Variants in PREPL observed in about 807,000 individuals in gnomAD.
The protein encoded by PREPL is prolyl endopeptidase like.
PREPL carries 77 observed loss-of-function variants against 70.6 expected under a neutral mutation model. The observed-to-expected ratio is 1.09, with a 90% CI of 0.91 to 1.32. PREPL has a LOEUF of 1.32. Among genes scored for constraint, PREPL ranks in the 40% most tolerant of loss-of-function variants. The pLI is 0.00. For synonymous variants in PREPL, 315 were observed against 264.8 expected, an observed-to-expected ratio of 1.19 and a Z score of -1.84; for missense variants, 1,002 against 778.2, an observed-to-expected ratio of 1.29 and a Z score of -3.42.
chr2:44,356,551 A>T (rs1373727203), intron 1 of PREPL, among the ~76,000 whole-genome samples: 31 of 148,682 alleles, frequency 2.1e-4, no homozygotes, highest in Non-Finnish European at 1.5e-5. Flanking sequence ...TCTCAAACAA[A>T]CAAACAAACA....
intron 1 of PREPL, among the ~76,000 whole-genome samples, chr2:44,355,803 G>C (rs959441956): frequency 6.7e-6 from 1 of 149,706 alleles, no homozygotes; most frequent in African/African-American, 2.5e-5. Context: ...ATATGAATAT[G>C]AGACTATTGC....
rs1672770389 is a variant in PREPL, at chr2:44,319,793, A to G, written c.*1563T>C. 5.5e-6 allele frequency: 1 copy of G among 180,450 alleles called. No individual in the cohort carries two copies. The highest frequency in any genetic ancestry group is 1.4e-4 in the East Asian group (1 of 6,924). The allele number at this position is 180,450 out of a possible 1,614,324, so 11.2% of individuals were successfully genotyped here. A position where few individuals can be genotyped will look rare whatever the true frequency, so the allele number is the denominator to read the frequency against. On this transcript the variant is annotated 3_prime_UTR_variant, in exon 14 of 14. Coordinates refer to ENST00000409411, the MANE Select transcript of PREPL (RefSeq NM_001171613.2). The stretch of plus-strand genomic sequence containing the variant: ...TTAGTCTACAAAGGGGAACAAACCC[A>G]AATTCCTCAGAAGTCTGAGTCCACT...
At chr2:44,330,089 T>C (rs1673939204) in intron 8 of PREPL, among the ~76,000 whole-genome samples, 1 of 142,726 alleles carries the variant, frequency 7.0e-6, no homozygotes. Context: ...TGTTATGACA[T>C]TGTTAACTTT....
chr2:44,329,786 G>A (rs1325068122), intron 8 of PREPL, among the ~76,000 whole-genome samples: 2 of 152,144 alleles, frequency 1.3e-5, no homozygotes, highest in African/African-American at 2.4e-5. Context: ...ATCCCCCAAT[G>A]TAGCTCAAAC....
intron 1 of PREPL, among the ~76,000 whole-genome samples, chr2:44,356,778 A>G (rs1193232936): frequency 6.6e-6 from 1 of 151,216 alleles, no homozygotes; most frequent in Non-Finnish European, 1.5e-5. Context: ...CACCTCTAAG[A>G]CTTTCTACAG....
intron 7 of PREPL, among the ~76,000 whole-genome samples, chr2:44,336,052 T>A (rs1446507830): frequency 6.6e-6 from 1 of 151,958 alleles, no homozygotes. Flanking sequence ...AGTCAAAATA[T>A]AACAGATGCT....
Position 44,323,407 on chromosome 2 carries a change from G to C in PREPL, c.1484C>G (p.Pro495Arg). The change falls in exon 11 of 14, where the codon CCT becomes CGT. Residue 495 changes from proline (P) to arginine (R), a missense_variant. Coordinates refer to ENST00000409411, the MANE Select transcript of PREPL (RefSeq NM_001171613.2). ...ELVRAVTLEA[P>R]FLDVLNTMMD... ...CATGGTGTTGAGAACATCCAAGAAA[G>C]GTGCCTAAAAAAAAGGCAAAGAAAC... The C allele has an allele frequency of 3.8e-6, 6 of 1,575,580 alleles. No homozygotes were observed. Among genetic ancestry groups the C allele is most frequent in the Non-Finnish European group, 5.2e-6 (6 of 1,164,992 alleles).
At chr2:44,353,410 C>T (rs907721348) in intron 1 of PREPL, among the ~76,000 whole-genome samples, 2 of 151,836 alleles carry the variant, frequency 1.3e-5, no homozygotes, top group Admixed American at 1.3e-4. Context: ...CATGGTGAAA[C>T]CCTGTCTCTA....
Position 44,348,558 on chromosome 2 carries a change from C to CT in PREPL, c.-48-2169dup, listed in dbSNP as rs900640944. ...TGTCACTTTTAAATACTCATTCTTA[C>CT]TGAGAGTCATAGCCAACACAGAGCC... is the stretch of plus-strand genomic sequence containing the variant. On this transcript the variant is annotated intron_variant, in intron 1 of 13. Transcript: ENST00000409411. Among the ~76,000 whole-genome samples the CT allele has an allele frequency of 5.3e-5, 8 of 152,278 alleles. No homozygotes were observed. The East Asian group carries it at 1.5e-3, about 29-fold the overall frequency.
Position 44,346,768 on chromosome 2 carries a change from G to C in PREPL, c.-48-378C>G, listed in dbSNP as rs578221037. 3.3e-5 allele frequency among the ~76,000 whole-genome samples: 5 copies of C among 151,880 alleles called. No homozygotes were observed. The East Asian group carries it at 7.7e-4, about 23-fold the overall frequency. ...ACATATTTAATAGGAAAATCAGGTA[G>C]AGAAAAAAATCTTTCGCGTTTAGGA... On this transcript the variant is annotated intron_variant, in intron 1 of 13. Transcript: ENST00000409411.
chr2:44,338,209 G>A lies in PREPL; in HGVS notation c.888+142C>T, dbSNP rs531478964. ...TAAGATAACCCTCCTAAACCCAAGA[G>A]TGACTTTGCTAAATTCCATTTAAGT... On this transcript the variant is annotated intron_variant, in intron 7 of 13. Transcript: ENST00000409411. The A allele has an allele frequency of 6.4e-6, 5 of 784,700 alleles. No individual in the cohort carries two copies. In the Admixed American group the frequency reaches 1.6e-4, roughly 25 times the overall value. 48.6% of individuals were successfully genotyped at this position (784,700 alleles called of 1,614,324 possible). A position where few individuals can be genotyped will look rare whatever the true frequency, so the allele number is the denominator to read the frequency against.
chr2:44,323,729 A>G (rs1274301157), intron 10 of PREPL, among the ~76,000 whole-genome samples: 2 of 152,152 alleles, frequency 1.3e-5, no homozygotes, highest in Non-Finnish European at 2.9e-5. Context: ...ACTGTCTCAT[A>G]CCAATTAGGA....
At chr2:44,345,764 T>G (rs1053321657) in intron 2 of PREPL, among the ~76,000 whole-genome samples, 1 of 152,224 alleles carries the variant, frequency 6.6e-6, no homozygotes, top group Non-Finnish European at 1.5e-5. Context: ...TTAAAAAATT[T>G]AGACAAAACA....
chr2:44,356,153 G>T (rs946244801), intron 1 of PREPL: 1 of 152,126 alleles, frequency 6.6e-6, no homozygotes, highest in East Asian at 1.9e-4. Flanking sequence ...GGTTTAGATC[G>T]GCAACACTTG....
In PREPL at chr2:44,332,613, T is replaced by C. The variant is rs764358069; in HGVS notation, c.932A>G (p.Asp311Gly). The stretch of plus-strand genomic sequence containing the variant: ...AAGTTGAAAGGGGCAGTTCTTTGGG[T>C]CAGAATTTGTATCCATTATGAATCC... ...ACGFIMDTNS[D>G]PKNCPFQLCS... Residue 311 changes from aspartate to glycine, a missense_variant, in exon 8 of 14, where the codon GAC (aspartate) becomes GGC (glycine). By Grantham distance (94) the Asp-to-Gly change is moderately conservative (BLOSUM62 -1). Coordinates refer to ENST00000409411, the MANE Select transcript of PREPL (RefSeq NM_001171613.2). 2 of 1,613,932 alleles carry C rather than the reference T, an allele frequency of 1.2e-6. No individual in the cohort carries two copies. The highest frequency in any genetic ancestry group is 2.2e-5 in the South Asian group (2 of 91,078).
At chr2:44,338,640 T>C in intron 6 of PREPL, 104 bp from the exon 7 acceptor site, 2 of 944,140 alleles carry the variant, frequency 2.1e-6, no homozygotes, top group South Asian at 3.4e-5. Context: ...CCTCACTGTT[T>C]TATGAAGAGC....
intron 1 of PREPL, among the ~76,000 whole-genome samples, chr2:44,350,826 G>A (rs532869601): frequency 6.6e-6 from 1 of 152,310 alleles, no homozygotes; most frequent in Non-Finnish European, 1.5e-5. Flanking sequence ...TCAGGATCAT[G>A]ATACAATTGA....
At chr2:44,347,889 A>G (rs536924150) in intron 1 of PREPL, among the ~76,000 whole-genome samples, 1 of 152,378 alleles carries the variant, frequency 6.6e-6, no homozygotes, top group East Asian at 1.9e-4. Context: ...ACACAAGAAT[A>G]TAACGGAAAA....
Position 44,317,967 on chromosome 2 carries a change from G to C in PREPL, c.*3389C>G, listed in dbSNP as rs916898644. On this transcript the variant is annotated 3_prime_UTR_variant, in exon 14 of 14. Transcript: ENST00000409411. ...ATGAAGATATAGCAAGCAAATAATA[G>C]AAAGCTTGCAACCCAGCTATAGCTA... The C allele has an allele frequency of 3.8e-6, 1 of 263,032 alleles. No individual in the cohort carries two copies. Among genetic ancestry groups the C allele is most frequent in the East Asian group, 1.4e-4 (1 of 7,036 alleles). 16.3% of individuals were successfully genotyped at this position (263,032 alleles called of 1,614,324 possible).
Sources: allele counts gnomAD v4.1 joint callset (sites outside exome capture counted in the v4.1 genomes callset), GRCh38; gene constraint gnomAD v4.1.1; transcripts MANE v1.5; gene names NCBI Gene and HGNC (gene_info 2026-07-23, HGNC 2026-07-21).